Variants in OR6B2 observed in about 807,000 individuals in gnomAD.
OR6B2 encodes olfactory receptor family 6 subfamily B member 2.
For synonymous variants in OR6B2, 155 were observed against 171.5 expected, an observed-to-expected ratio of 0.90 and a Z score of 0.75; for missense variants, 275 against 386.8, an observed-to-expected ratio of 0.71 and a Z score of 2.42.
In OR6B2 at chr2:240,029,596, G is replaced by A. The variant is rs779474976; in HGVS notation, c.834C>T (p.Tyr278=). The A allele has an allele frequency of 5.8e-6, 7 of 1,204,006 alleles. No individual in the cohort carries two copies. Among genetic ancestry groups the A allele is most frequent in the Non-Finnish European group, 7.5e-6 (6 of 805,018 alleles). 74.6% of individuals were successfully genotyped at this position (1,204,006 alleles called of 1,614,324 possible). The change falls in exon 1 of 1, where the codon TAC becomes TAT. Residue 278 remains tyrosine, a synonymous_variant. Coordinates refer to ENST00000319423, the MANE Select transcript of OR6B2 (RefSeq NM_001005853.1). This position sits in a 1 kb window ranked among gnomAD's most constrained non-coding sequence, Gnocchi z 5.2. ...QSSNKLISAV[Y]TVVTPIINPL... ...GGTTAATTATTGGCGTGACAACAGT[G>A]TACACGGCAGAGATGAGCTTGTTGG... is the stretch of plus-strand genomic sequence containing the variant.
chr2:240,030,151 A>G lies in OR6B2; in HGVS notation c.279T>C (p.Ser93=), dbSNP rs755830709. ...AGAGCTGCGTCATGCACCCGACGAA[A>G]GAGATGCGTTTCTGCTGGAGGAGGA... is the stretch of plus-strand genomic sequence containing the variant. The part of the protein sequence containing the change: ...EGFLLQQKRI[S]FVGCMTQLYF... Residue 93 remains serine (S), a synonymous_variant, in exon 1 of 1, where the codon TCT becomes TCC. Coordinates refer to ENST00000319423, the MANE Select transcript of OR6B2 (RefSeq NM_001005853.1). The G allele has an allele frequency of 5.4e-5, 86 of 1,584,072 alleles. No homozygotes were observed. The African/African-American group carries it at 1.1e-3, about 20-fold the overall frequency.
At position 240,030,343 on chromosome 2, in the gene OR6B2, G is replaced by A. The variant is rs1348381746; in HGVS notation, c.87C>T (p.Leu29=). ...CAAAGAGGTAGGTGAGCAGGAAGAG[G>A]AGGAAGAGCAGGTACTGCAGCCCTG... ...TAPGLQYLLF[L]LFLLTYLFVL... is the part of the protein sequence containing the mutation. The change falls in exon 1 of 1, where the codon CTC becomes CTT. Residue 29 remains leucine, a synonymous_variant. Coordinates refer to ENST00000319423, the MANE Select transcript of OR6B2 (RefSeq NM_001005853.1). 2 of 1,612,828 alleles carry A rather than the reference G, an allele frequency of 1.2e-6. No homozygotes were observed. Among genetic ancestry groups the A allele is most frequent in the Non-Finnish European group, 1.7e-6 (2 of 1,178,904 alleles).
chr2:240,029,792 G>T lies in OR6B2; in HGVS notation c.638C>A (p.Ala213Asp), dbSNP rs1697962847. ...GATGTGCCAATATGACAGTATGGTG[G>T]CCAGGAGCGGAAACACCAGGATGAT... ...AFIILVFPLLATILSYWHITL... is the reference protein window; with the variant it reads ...AFIILVFPLLDTILSYWHITL... The change falls in exon 1 of 1, where the codon GCC becomes GAC. Residue 213 changes from alanine (A) to aspartate (D), a missense_variant. Ala to Asp is a moderately radical substitution (Grantham distance 126). Coordinates refer to ENST00000319423, the MANE Select transcript of OR6B2 (RefSeq NM_001005853.1). This position sits in a 1 kb window ranked among gnomAD's most constrained non-coding sequence, Gnocchi z 5.2. The T allele has an allele frequency of 6.2e-7, 1 of 1,610,432 alleles. No homozygotes were observed.
rs774717635 is a variant in OR6B2 at position 240,029,930 on chromosome 2, G to A, written c.500C>T (p.Thr167Met). 26 of 1,453,952 alleles carry A rather than the reference G, an allele frequency of 1.8e-5. No individual in the cohort carries two copies. Among genetic ancestry groups the A allele is most frequent in the East Asian group, 2.3e-5 (1 of 44,024 alleles). 90.1% of individuals were successfully genotyped at this position (1,453,952 alleles called of 1,614,324 possible). The change falls in exon 1 of 1, where the codon ACG becomes ATG. Residue 167 changes from threonine to methionine, a missense_variant. Physicochemically the swap from Thr to Met is moderately conservative, Grantham distance 81 (BLOSUM62 -1). Coordinates refer to ENST00000319423, the MANE Select transcript of OR6B2 (RefSeq NM_001005853.1). The surrounding 1 kb of genome is among the most constrained non-coding windows in gnomAD (Gnocchi z 5.2). ...MIKVCFISSVTFCGSNVLNHF... is the reference protein window; with the variant it reads ...MIKVCFISSVMFCGSNVLNHF... ...GTTCAAGACGTTGGAGCCACAGAAC[G>A]TGACGCTGGAGATAAAACAGACCTT...
At position 240,030,159 on chromosome 2, in the gene OR6B2, G is replaced by C. The variant is rs201457737; in HGVS notation, c.271C>G (p.Arg91Gly). ...GTCATGCACCCGACGAAAGAGATGC[G>C]TTTCTGCTGGAGGAGGAAGCCCTCC... ...MLEGFLLQQK[R>G]ISFVGCMTQL... The change falls in exon 1 of 1, where the codon CGC becomes GGC. Residue 91 changes from arginine to glycine, a missense_variant. Coordinates refer to ENST00000319423, the MANE Select transcript of OR6B2 (RefSeq NM_001005853.1). 3 of 1,601,002 alleles carry C rather than the reference G, an allele frequency of 1.9e-6. No homozygotes were observed. The African/African-American group carries it at 4.0e-5, about 22-fold the overall frequency.
Position 240,029,723 on chromosome 2 carries a change from C to T in OR6B2, c.707G>A (p.Arg236Lys), listed in dbSNP as rs768123838. ...LRIPSATGCW[R>K]AFSTCASHLT... ...GTGAGAGGCGCAGGTAGAGAAGGCT[C>T]TCCAGCAGCCGGTGGCCGAGGGGAT... The change falls in exon 1 of 1, where the codon AGA becomes AAA. Residue 236 changes from arginine to lysine, a missense_variant. Coordinates refer to ENST00000319423, the MANE Select transcript of OR6B2 (RefSeq NM_001005853.1). The surrounding 1 kb of genome is among the most constrained non-coding windows in gnomAD (Gnocchi z 5.2). 6.2e-7 allele frequency: 1 copy of T among 1,613,756 alleles called. No individual in the cohort carries two copies. The highest frequency in any genetic ancestry group is 1.7e-5 in the Admixed American group (1 of 60,024).
chr2:240,029,619 T>C lies in OR6B2; in HGVS notation c.811A>G (p.Asn271Asp), dbSNP rs760018900. The C allele has an allele frequency of 7.0e-7, 1 of 1,422,936 alleles. No individual in the cohort carries two copies. Among genetic ancestry groups the C allele is most frequent in the East Asian group, 2.3e-5 (1 of 44,018 alleles). 88.1% of individuals were successfully genotyped at this position (1,422,936 alleles called of 1,614,324 possible). Residue 271 changes from asparagine (N) to aspartate (D), a missense_variant, in exon 1 of 1, where the codon AAC becomes GAC. By Grantham distance (23) the Asn-to-Asp change is conservative. Transcript: ENST00000319423. This position sits in a 1 kb window ranked among gnomAD's most constrained non-coding sequence, Gnocchi z 5.2. The part of the protein sequence containing the change: ...RPQAIDSQSS[N>D]KLISAVYTVV... ...GTGTACACGGCAGAGATGAGCTTGTTGGAGCTCTGGGAATCAATGGCTTGG... is the reference window on the plus strand; with the variant it reads ...GTGTACACGGCAGAGATGAGCTTGTCGGAGCTCTGGGAATCAATGGCTTGG...
rs544232412 is a variant in OR6B2, at chr2:240,029,848, A to C, written c.582T>G (p.Thr194=). 172 of 1,610,520 alleles carry C rather than the reference A, an allele frequency of 1.1e-4. No homozygotes were observed. Among genetic ancestry groups the C allele is most frequent in the Non-Finnish European group, 1.4e-4 (160 of 1,176,682 alleles). ...CCAGGATGAAATCCACCAGCTCTGC[A>C]GTGGAGAAGTCCGTGCAGGCCAGCT... is the stretch of plus-strand genomic sequence containing the variant. ...ILKLACTDFS[T]AELVDFILAF... Residue 194 remains threonine, a synonymous_variant, in exon 1 of 1, where the codon ACT becomes ACG. Transcript: ENST00000319423. The surrounding 1 kb of genome is among the most constrained non-coding windows in gnomAD (Gnocchi z 5.2).
Position 240,030,399 on chromosome 2 carries a change from T to C in OR6B2, c.31A>G (p.Thr11Ala), listed in dbSNP as rs752931062. Residue 11 changes from threonine (T) to alanine (A), a missense_variant, in exon 1 of 1, where the codon ACC becomes GCC. Physicochemically the swap from Thr to Ala is moderately conservative, Grantham distance 58. Transcript: ENST00000319423. Reference protein sequence around the residue: MSGENVTKVSTFILVGLPTAP... With the variant: MSGENVTKVSAFILVGLPTAP... ...GTGGGGAGGCCCACCAGGATGAAGG[T>C]GCTGACCTTGGTGACATTCTCCCCA... is the stretch of plus-strand genomic sequence containing the variant. 3.2e-5 allele frequency: 52 copies of C among 1,609,748 alleles called. No individual in the cohort carries two copies. The highest frequency in any genetic ancestry group is 4.3e-5 in the Non-Finnish European group (51 of 1,176,174).
Position 240,029,744 on chromosome 2 carries a change from G to A in OR6B2, c.686C>T (p.Pro229Leu). 1 of 1,612,292 alleles carries A rather than the reference G, an allele frequency of 6.2e-7. No homozygotes were observed. The highest frequency in any genetic ancestry group is 8.5e-7 in the Non-Finnish European group (1 of 1,178,300). Residue 229 changes from proline to leucine, a missense_variant, in exon 1 of 1, where the codon CCC (proline) becomes CTC (leucine). Transcript: ENST00000319423. This position sits in a 1 kb window ranked among gnomAD's most constrained non-coding sequence, Gnocchi z 5.2. ...GGCTCTCCAGCAGCCGGTGGCCGAG[G>A]GGATGCGCAGGACAGCCAGGGTGAT... ...WHITLAVLRIPSATGCWRAFS... is the reference protein window; with the variant it reads ...WHITLAVLRILSATGCWRAFS...
At position 240,029,592 on chromosome 2, in the gene OR6B2, C is replaced by A; in HGVS notation, c.838G>T (p.Val280Phe). The stretch of plus-strand genomic sequence containing the variant: ...AAAGGGTTAATTATTGGCGTGACAA[C>A]AGTGTACACGGCAGAGATGAGCTTG... ...SNKLISAVYTVVTPIINPLIY... is the reference protein window; with the variant it reads ...SNKLISAVYTFVTPIINPLIY... The change falls in exon 1 of 1, where the codon GTT becomes TTT. Residue 280 changes from valine (V) to phenylalanine (F), a missense_variant. By Grantham distance (50) the Val-to-Phe change is conservative (BLOSUM62 -1). Transcript: ENST00000319423. The surrounding 1 kb of genome is among the most constrained non-coding windows in gnomAD (Gnocchi z 5.2). 8.5e-7 allele frequency: 1 copy of A among 1,173,412 alleles called. No homozygotes were observed. Among genetic ancestry groups the A allele is most frequent in the Non-Finnish European group, 1.3e-6 (1 of 777,004 alleles). The allele number at this position is 1,173,412 out of a possible 1,614,324, so 72.7% of individuals were successfully genotyped here.
In OR6B2 at chr2:240,029,848, A is replaced by G; in HGVS notation, c.582T>C (p.Thr194=). 6.2e-7 allele frequency: 1 copy of G among 1,610,528 alleles called. No homozygotes were observed. The highest frequency in any genetic ancestry group is 8.5e-7 in the Non-Finnish European group (1 of 1,176,690). ...CCAGGATGAAATCCACCAGCTCTGC[A>G]GTGGAGAAGTCCGTGCAGGCCAGCT... ...ILKLACTDFS[T]AELVDFILAF... The change falls in exon 1 of 1, where the codon ACT becomes ACC. Residue 194 remains threonine, a synonymous_variant. Coordinates refer to ENST00000319423, the MANE Select transcript of OR6B2 (RefSeq NM_001005853.1). The surrounding 1 kb of genome is among the most constrained non-coding windows in gnomAD (Gnocchi z 5.2).
Sources: allele counts gnomAD v4.1 joint callset, GRCh38; gene constraint gnomAD v4.1.1; non-coding constraint Gnocchi (gnomAD v3.1); transcripts MANE v1.5; gene names NCBI Gene and HGNC (gene_info 2026-07-23, HGNC 2026-07-21).